NHSL1: variants seen among roughly 807,000 people sequenced by gnomAD.
NHSL1 encodes the protein NHS like 1.
A neutral mutation model predicts 95.0 loss-of-function variants in NHSL1; 48 were observed. That is an observed-to-expected ratio of 0.51 (90% CI 0.40 to 0.64). NHSL1 has a LOEUF of 0.64. Among genes scored for constraint, NHSL1 ranks in the 30% least tolerant of loss-of-function variants. The pLI is 0.00. For missense variants in NHSL1, 1,971 were observed against 2,077.7 expected (o/e 0.95, Z 1.00); for synonymous variants, 783 against 833.9 (o/e 0.94, Z 1.05).
chr6:138,666,814 T>G (rs565417330), intron 1 of NHSL1, among the ~76,000 whole-genome samples: 1 of 152,154 alleles, frequency 6.6e-6, no homozygotes, highest in African/African-American at 2.4e-5. Flanking sequence ...TGACGATGAC[T>G]CGCTCTGAAG....
intron 2 of NHSL1, among the ~76,000 whole-genome samples, chr6:138,480,429 G>A (rs1283035967): frequency 6.6e-6 from 1 of 152,200 alleles, no homozygotes; most frequent in Non-Finnish European, 1.5e-5. Flanking sequence ...AATGTGTTGT[G>A]TTCAAGGGTC....
intron 2 of NHSL1, among the ~76,000 whole-genome samples, chr6:138,478,357 A>T (rs1301135091): frequency 1.3e-5 from 2 of 152,178 alleles, no homozygotes; most frequent in Non-Finnish European, 2.9e-5. Flanking sequence ...ATAAGACTAG[A>T]CAATATAAAT....
intron 1 of NHSL1, among the ~76,000 whole-genome samples, chr6:138,505,770 G>T (rs1406907740): frequency 1.3e-5 from 2 of 152,080 alleles, no homozygotes; most frequent in African/African-American, 4.8e-5. Context: ...GTTCTGCTCA[G>T]GGCTGTGTAT....
At chr6:138,518,820 C>G (rs1015069553) in intron 1 of NHSL1, among the ~76,000 whole-genome samples, 1 of 152,118 alleles carries the variant, frequency 6.6e-6, no homozygotes, top group South Asian at 2.1e-4. Flanking sequence ...GAGTTCAAGA[C>G]CAGCCTGGCC....
At chr6:138,457,931 C>A (rs1423310330) in intron 3 of NHSL1, among the ~76,000 whole-genome samples, 1 of 151,464 alleles carries the variant, frequency 6.6e-6, no homozygotes, top group Non-Finnish European at 1.5e-5. Flanking sequence ...TCTCTTGAAC[C>A]CAGGAGGTGG....
chr6:138,511,563 A>G (rs1256099333), intron 1 of NHSL1, among the ~76,000 whole-genome samples: 4 of 152,178 alleles, frequency 2.6e-5, no homozygotes, highest in Non-Finnish European at 2.9e-5. Flanking sequence ...CTGGGATTAC[A>G]GGCATGAGCC....
chr6:138,473,017 T>C (rs1387345578), intron 3 of NHSL1, among the ~76,000 whole-genome samples: 1 of 152,232 alleles, frequency 6.6e-6, no homozygotes, highest in Admixed American at 6.5e-5. Flanking sequence ...TTACGTCTCC[T>C]TTATGAATTC....
chr6:138,665,219 C>G (rs1785279739), intron 1 of NHSL1, among the ~76,000 whole-genome samples: 2 of 151,860 alleles, frequency 1.3e-5, no homozygotes, highest in South Asian at 4.1e-4. Flanking sequence ...TAATACAGAT[C>G]AACTTAGCTT....
intron 1 of NHSL1, among the ~76,000 whole-genome samples, chr6:138,611,720 T>C (rs1583448642): frequency 6.6e-6 from 1 of 151,948 alleles, no homozygotes; most frequent in Middle Eastern, 3.4e-3. Context: ...CACTCCAGCC[T>C]GGGCGAAAGA....
At chr6:138,446,816 A>G in intron 4 of NHSL1, 185 bp downstream of exon 4, 1 of 602,892 alleles carries the variant, frequency 1.7e-6, no homozygotes, top group Non-Finnish European at 2.9e-6. Context: ...GAACCCAACA[A>G]GCAGTAGACA....
chr6:138,451,471 A>G (rs949801071), intron 3 of NHSL1, among the ~76,000 whole-genome samples: 2 of 152,050 alleles, frequency 1.3e-5, no homozygotes, highest in Non-Finnish European at 2.9e-5. Context: ...TATTTTATTT[A>G]TATATATTGT....
chr6:138,619,296 C>A (rs781530336), intron 1 of NHSL1, among the ~76,000 whole-genome samples: 1 of 152,120 alleles, frequency 6.6e-6, no homozygotes, highest in Non-Finnish European at 1.5e-5. Context: ...CGAGATCACG[C>A]CACTGCACTC....
chr6:138,514,614 C>A (rs1781383271), intron 1 of NHSL1, among the ~76,000 whole-genome samples: 1 of 151,994 alleles, frequency 6.6e-6, no homozygotes, highest in South Asian at 2.1e-4. Flanking sequence ...CTCTTTTTCT[C>A]TCTCTCAAAA....
intron 1 of NHSL1, among the ~76,000 whole-genome samples, chr6:138,579,286 G>GA: frequency 6.6e-6 from 1 of 152,158 alleles, no homozygotes. Context: ...TTGACAGGGT[G>GA]AAAAAAATGG....
At chr6:138,503,623 A>G (rs1313982322), upstream of NHSL1, among the ~76,000 whole-genome samples, 4 of 152,300 alleles carry the variant, frequency 2.6e-5, no homozygotes, top group East Asian at 7.7e-4. Flanking sequence ...CTAAGACTGT[A>G]TGGTCCTCAA....
At chr6:138,655,887 A>C (rs1380809900) in intron 1 of NHSL1, among the ~76,000 whole-genome samples, 2 of 152,204 alleles carry the variant, frequency 1.3e-5, no homozygotes, top group Non-Finnish European at 2.9e-5. Context: ...GTGTGCCCTG[A>C]TAAAAACACA....
At chr6:138,562,620 C>A (rs933632925) in intron 1 of NHSL1, among the ~76,000 whole-genome samples, 5 of 152,170 alleles carry the variant, frequency 3.3e-5, no homozygotes, top group Non-Finnish European at 7.3e-5. Flanking sequence ...CGAGATCACA[C>A]CAGTCCACTC....
At chr6:138,499,931 A>C (rs1351216934), upstream of NHSL1, among the ~76,000 whole-genome samples, 1 of 152,202 alleles carries the variant, frequency 6.6e-6, no homozygotes, top group African/African-American at 2.4e-5. Flanking sequence ...TTTAGAATAG[A>C]ATCTCCAAGG....
rs528968170 is a variant in NHSL1 at position 138,672,745 on chromosome 6, G to T, written c.96+19731C>A. Among the ~76,000 whole-genome samples, 4 of 152,214 alleles carry T rather than the reference G, an allele frequency of 2.6e-5. No homozygotes were observed. In the South Asian group the frequency reaches 8.3e-4, roughly 32 times the overall value. On this transcript the variant is annotated intron_variant, in intron 1 of 3. Transcript: ENST00000491526. ...TATAATAAAAATGTTTCAGCTGGGCGCAGTGGCTCACACCTGTAATCTCAG... is the reference window on the plus strand; with the variant it reads ...TATAATAAAAATGTTTCAGCTGGGCTCAGTGGCTCACACCTGTAATCTCAG...
Sources: gnomAD v4.1 joint callset for allele counts (sites outside exome capture counted in the v4.1 genomes callset) on GRCh38, gnomAD v4.1.1 for gene constraint, MANE v1.5 for transcripts, NCBI Gene and HGNC (gene_info 2026-07-23, HGNC 2026-07-21) for gene names.